Variants in SIN3A observed in about 807,000 individuals in gnomAD.
SIN3A encodes SIN3 transcription regulator family member A, also known as paired amphipathic helix protein Sin3a.
In SIN3A, 14 loss-of-function variants were observed where a neutral mutation model predicts 146.1. The ratio of observed to expected loss-of-function variants is 0.10; its 90% confidence interval spans 0.06 to 0.15. SIN3A has a LOEUF of 0.15. Ranked by LOEUF, SIN3A falls within the 10% of genes least tolerant of loss-of-function variation. SIN3A has a pLI of 1.00. For synonymous variants in SIN3A, 572 were observed against 572.0 expected (o/e 1.00, Z 0.00); for missense variants, 1,028 against 1,576.0 (o/e 0.65, Z 5.89).
In SIN3A at chr15:75,412,751, C is replaced by T. The variant is rs2073664395; in HGVS notation, c.756+12G>A. On this transcript the variant is annotated intron_variant, in intron 5 of 20. Coordinates refer to ENST00000394947, the MANE Select transcript of SIN3A (RefSeq NM_001145358.2). Reference sequence around the variant, plus strand: ...TGCATTCATATTGATGCAATATTTTCCAAGTGCTCACCTTGCTGACTTTGG... The same window carrying T: ...TGCATTCATATTGATGCAATATTTTTCAAGTGCTCACCTTGCTGACTTTGG... The T allele has an allele frequency of 6.4e-7, 1 of 1,551,906 alleles. No homozygotes were observed. Among genetic ancestry groups the T allele is most frequent in the Admixed American group, 2.0e-5 (1 of 49,484 alleles).
intron 8 of SIN3A, among the ~76,000 whole-genome samples, chr15:75,409,320 A>G (rs933235387): frequency 2.0e-5 from 3 of 152,232 alleles, no homozygotes; most frequent in African/African-American, 7.2e-5. Context: ...AGAAAAGTAC[A>G]GTAATCCAAG....
chr15:75,403,041 T>C (rs1484479966), intron 9 of SIN3A, among the ~76,000 whole-genome samples: 1 of 152,214 alleles, frequency 6.6e-6, no homozygotes, highest in Non-Finnish European at 1.5e-5. Flanking sequence ...GGAATATATA[T>C]GAAACAAGTA....
At chr15:75,402,698 G>A (rs887645543) in intron 9 of SIN3A, among the ~76,000 whole-genome samples, 1 of 152,024 alleles carries the variant, frequency 6.6e-6, no homozygotes. Context: ...GCAGTGGTGC[G>A]ATCTCAGCTC....
rs1595908450 is a variant in SIN3A at position 75,412,811 on chromosome 15, T to C, written c.708A>G (p.Pro236=). The C allele has an allele frequency of 1.9e-6, 3 of 1,608,258 alleles. No individual in the cohort carries two copies. The highest frequency in any genetic ancestry group is 2.6e-6 in the Non-Finnish European group (3 of 1,176,070). The part of the protein sequence containing the change: ...HPSQPSAQSA[P]APAQPAPQPP... ...GCTGAGGAGCTGGCTGGGCAGGAGC[T>C]GGGGCTGACTGGGCTGAAGGCTGGG... is the stretch of plus-strand genomic sequence containing the variant. The change falls in exon 5 of 21, where the codon CCA becomes CCG. Residue 236 remains proline (P), a synonymous_variant. Coordinates refer to ENST00000394947, the MANE Select transcript of SIN3A (RefSeq NM_001145358.2).
chr15:75,433,122 C>T (rs1027306959), intron 1 of SIN3A, among the ~76,000 whole-genome samples: 2 of 152,108 alleles, frequency 1.3e-5, no homozygotes, highest in Non-Finnish European at 1.5e-5. Flanking sequence ...AGAAAAAACA[C>T]TAGAGTACCT....
At chr15:75,420,538 C>A (rs1349841559) in intron 3 of SIN3A, 2 of 152,130 alleles carry the variant, frequency 1.3e-5, no homozygotes, top group Non-Finnish European at 2.9e-5. Flanking sequence ...CAGGCATGCG[C>A]CACCATGCCT....
chr15:75,379,673 A>G (rs767420352), intron 19 of SIN3A, among the ~76,000 whole-genome samples: 10 of 152,364 alleles, frequency 6.6e-5, no homozygotes, highest in East Asian at 3.9e-4. Flanking sequence ...TTAGGACTCA[A>G]TAAGTCTAAT....
chr15:75,422,545 G>GT (rs1173702980), intron 3 of SIN3A, 102 bp downstream of exon 3: 9 of 1,270,492 alleles, frequency 7.1e-6, no homozygotes, highest in African/African-American at 5.9e-5. Flanking sequence ...TCGACAGCTA[G>GT]TATCTCAGGT....
At chr15:75,416,777 A>G (rs1402938055) in intron 3 of SIN3A, among the ~76,000 whole-genome samples, 2 of 152,200 alleles carry the variant, frequency 1.3e-5, no homozygotes, top group African/African-American at 4.8e-5. Context: ...CTAACCCCCA[A>G]TAACTGGTTA....
intron 9 of SIN3A, among the ~76,000 whole-genome samples, chr15:75,402,406 G>A (rs1467125971): frequency 6.6e-6 from 1 of 151,718 alleles, no homozygotes; most frequent in African/African-American, 2.4e-5. Flanking sequence ...CAGCTACTTG[G>A]GTGGCTGAGT....
At chr15:75,423,048 A>G (rs1269519367) in intron 2 of SIN3A, among the ~76,000 whole-genome samples, 2 of 152,158 alleles carry the variant, frequency 1.3e-5, no homozygotes, top group African/African-American at 4.8e-5. Flanking sequence ...AGCTTGGGCC[A>G]CAGAGTGAGA....
At chr15:75,405,556 G>C (rs2073496597) in intron 9 of SIN3A, among the ~76,000 whole-genome samples, 1 of 152,038 alleles carries the variant, frequency 6.6e-6, no homozygotes, top group African/African-American at 2.4e-5. Flanking sequence ...TTCAAGACCA[G>C]CCTGGCCAAC....
chr15:75,418,350 T>C (rs1241287457), intron 3 of SIN3A, among the ~76,000 whole-genome samples: 2 of 145,686 alleles, frequency 1.4e-5, no homozygotes, highest in Non-Finnish European at 3.0e-5. Flanking sequence ...TTTTGAGACA[T>C]GGTCTCACTC....
chr15:75,438,839 C>T (rs1488344763), intron 1 of SIN3A, among the ~76,000 whole-genome samples: 1 of 152,174 alleles, frequency 6.6e-6, no homozygotes, highest in Non-Finnish European at 1.5e-5. Context: ...AAACTTCCAT[C>T]GCAGTATTAA....
At chr15:75,433,289 C>T (rs1157116613) in intron 1 of SIN3A, among the ~76,000 whole-genome samples, 1 of 152,138 alleles carries the variant, frequency 6.6e-6, no homozygotes, top group African/African-American at 2.4e-5. Context: ...GATCAGCCTA[C>T]ATTAGTGATT....
At chr15:75,424,036 C>A (rs1346176415) in intron 2 of SIN3A, among the ~76,000 whole-genome samples, 1 of 152,132 alleles carries the variant, frequency 6.6e-6, no homozygotes, top group Non-Finnish European at 1.5e-5. Context: ...CTCAAACTGT[C>A]TGTGGTAAAG....
intron 1 of SIN3A, among the ~76,000 whole-genome samples, chr15:75,440,059 G>C (rs2141606640): frequency 6.6e-6 from 1 of 151,658 alleles, no homozygotes; most frequent in Non-Finnish European, 1.5e-5. Flanking sequence ...GCTGAGGCAG[G>C]AGAATTGCTT....
chr15:75,430,022 CT>C lies in SIN3A; in HGVS notation c.189+164del, dbSNP rs1042263251. The C allele has an allele frequency of 2.1e-5, 13 of 611,736 alleles. No homozygotes were observed. The African/African-American group carries it at 2.3e-4, about 11-fold the overall frequency. The allele number at this position is 611,736 out of a possible 1,614,324, so 37.9% of individuals were successfully genotyped here. A position where few individuals can be genotyped will look rare whatever the true frequency, so the allele number is the denominator to read the frequency against. ...GAACTTCAAAGGTCATGACAACATT[CT>C]TTTTTTAAAAACTTGTATGGTGAGT... is the stretch of plus-strand genomic sequence containing the variant. On this transcript the variant is annotated intron_variant, in intron 2 of 20. Transcript: ENST00000394947.
At chr15:75,386,550 G>A (rs565378456) in intron 16 of SIN3A, among the ~76,000 whole-genome samples, 1 of 152,286 alleles carries the variant, frequency 6.6e-6, no homozygotes, top group African/African-American at 2.4e-5. Flanking sequence ...GCATCTGTAT[G>A]GAAAGGTCTA....
Sources: allele counts gnomAD v4.1 joint callset (sites outside exome capture counted in the v4.1 genomes callset), GRCh38; gene constraint gnomAD v4.1.1; transcripts MANE v1.5; gene names NCBI Gene and HGNC (gene_info 2026-07-23, HGNC 2026-07-21).